Variants in GALNT10 observed in about 807,000 individuals in gnomAD.
GALNT10 encodes polypeptide N-acetylgalactosaminyltransferase 10.
Under a neutral mutation model 75.0 loss-of-function variants are expected in GALNT10, and 41 were observed. That is an observed-to-expected ratio of 0.55 (90% CI 0.43 to 0.71). The LOEUF (loss-of-function observed/expected upper bound fraction) is 0.71. Ranked by LOEUF, GALNT10 falls within the 30% of genes least tolerant of loss-of-function variation. GALNT10 has a pLI of 0.00. For missense variants in GALNT10, 727 were observed against 818.5 expected (o/e 0.89, Z 1.36); for synonymous variants, 302 against 313.0 (o/e 0.96, Z 0.37).
chr5:154,285,576 A>G (rs1222306548), intron 1 of GALNT10, among the ~76,000 whole-genome samples: 4 of 151,962 alleles, frequency 2.6e-5, no homozygotes, highest in African/African-American at 9.7e-5. Flanking sequence ...ACTCAAACCC[A>G]CAGGACCCTA....
chr5:154,195,657 A>G (rs1014933821), intron 1 of GALNT10, among the ~76,000 whole-genome samples: 5 of 152,226 alleles, frequency 3.3e-5, no homozygotes, highest in African/African-American at 1.2e-4. Context: ...AGGGAAACAA[A>G]TTAAACAAGT....
At chr5:154,329,481 G>A (rs910412770) in intron 3 of GALNT10, 91 bp from the exon 4 acceptor site, 1 of 959,114 alleles carries the variant, frequency 1.0e-6, no homozygotes, top group Non-Finnish European at 1.6e-6. Flanking sequence ...AGAGGAAGTG[G>A]GGTTTGCAGT....
At chr5:154,242,698 T>G (rs1340687365) in intron 1 of GALNT10, among the ~76,000 whole-genome samples, 1 of 152,190 alleles carries the variant, frequency 6.6e-6, no homozygotes, top group Non-Finnish European at 1.5e-5. Flanking sequence ...TGTGACAGTA[T>G]TGTCCTGGCT....
rs1449419583 is a variant in GALNT10 at position 154,402,458 on chromosome 5, A to G, written c.1057-1646A>G. On this transcript the variant is annotated intron_variant, in intron 7 of 11. Coordinates refer to ENST00000297107, the MANE Select transcript of GALNT10 (RefSeq NM_198321.4). The surrounding 1 kb of genome is among the most constrained non-coding windows in gnomAD (Gnocchi z 4.2). ...TCCCATACACCCCTACAACGAATCT[A>G]TGCAATGGCCCTGCTCTGCCATCGC... 6.6e-6 allele frequency among the ~76,000 whole-genome samples: 1 copy of G among 152,198 alleles called. No individual in the cohort carries two copies. Among genetic ancestry groups the G allele is most frequent in the Non-Finnish European group, 1.5e-5 (1 of 68,040 alleles).
intron 10 of GALNT10, 52 bp from the exon 11 acceptor site, chr5:154,415,731 A>G: frequency 1.3e-6 from 2 of 1,532,552 alleles, no homozygotes; most frequent in Non-Finnish European, 1.8e-6. Context: ...AATGGAGAAA[A>G]AAAGAAAGTC....
chr5:154,255,348 T>C (rs1753590674), intron 1 of GALNT10, among the ~76,000 whole-genome samples: 1 of 152,094 alleles, frequency 6.6e-6, no homozygotes, highest in Non-Finnish European at 1.5e-5. Context: ...AGGAAATGGC[T>C]CTTGGATAAG....
intron 1 of GALNT10, among the ~76,000 whole-genome samples, chr5:154,205,155 C>T (rs1304757054): frequency 1.3e-5 from 2 of 152,212 alleles, no homozygotes; most frequent in African/African-American, 4.8e-5. Flanking sequence ...AAGAGACAGA[C>T]TTCCTTCTCC....
At chr5:154,354,737 G>C (rs1755261933) in intron 4 of GALNT10, among the ~76,000 whole-genome samples, 2 of 152,158 alleles carry the variant, frequency 1.3e-5, no homozygotes, top group Non-Finnish European at 2.9e-5. Context: ...ACACATCTTT[G>C]TGTCTAGTAC....
At chr5:154,394,891 G>A (rs1256713275) in intron 7 of GALNT10, among the ~76,000 whole-genome samples, 1 of 152,224 alleles carries the variant, frequency 6.6e-6, no homozygotes, top group African/African-American at 2.4e-5. Context: ...GATACATGCA[G>A]CATTTTCGTC....
At chr5:154,415,634 T>C in intron 10 of GALNT10, 149 bp from the exon 11 acceptor site, 1 of 764,422 alleles carries the variant, frequency 1.3e-6, no homozygotes, top group Non-Finnish European at 2.1e-6. Flanking sequence ...CTGGCCAAGT[T>C]AGTAACTTTT....
rs77671866 is a variant in GALNT10, at chr5:154,236,063, C to A, written c.159+45038C>A. ...GATGTTTTGCTTAGGTCTGGGGAGC[C>A]CTTGATGTGCCCCATCTTAGGTCTG... On this transcript the variant is annotated intron_variant, in intron 1 of 11. Transcript: ENST00000297107. 4.5e-3 allele frequency among the ~76,000 whole-genome samples: 684 copies of A among 152,230 alleles called. 24 individuals are homozygous for A. In the East Asian group the frequency reaches 0.098, roughly 22 times the overall value.
intron 4 of GALNT10, among the ~76,000 whole-genome samples, chr5:154,364,367 T>C (rs1755443277): frequency 1.3e-5 from 2 of 152,190 alleles, no homozygotes; most frequent in African/African-American, 4.8e-5. Context: ...AGGGATTAGA[T>C]ACCAGAAGAC....
At chr5:154,230,776 T>C (rs1753138377) in intron 1 of GALNT10, among the ~76,000 whole-genome samples, 1 of 152,202 alleles carries the variant, frequency 6.6e-6, no homozygotes, top group Admixed American at 6.5e-5. Flanking sequence ...CTGCACCACT[T>C]ACTAGCAGCT....
intron 1 of GALNT10, among the ~76,000 whole-genome samples, chr5:154,212,838 G>A (rs1752784507): frequency 6.6e-6 from 1 of 152,160 alleles, no homozygotes; most frequent in Non-Finnish European, 1.5e-5. Flanking sequence ...CGTGGTGACA[G>A]GTGCCTGTAG....
In GALNT10 at chr5:154,345,346, A is replaced by C. The variant is rs1002070920; in HGVS notation, c.568+15608A>C. The stretch of plus-strand genomic sequence containing the variant: ...TATTCTTTTAGCAAACTTCAAGTAC[A>C]TAATACAGCATTATTAACTATATTC... On this transcript the variant is annotated intron_variant, in intron 4 of 11. Coordinates refer to ENST00000297107, the MANE Select transcript of GALNT10 (RefSeq NM_198321.4). 7.9e-5 allele frequency among the ~76,000 whole-genome samples: 12 copies of C among 152,318 alleles called. No individual in the cohort carries two copies. In the South Asian group the frequency reaches 8.3e-4, roughly 11 times the overall value.
At position 154,191,024 on chromosome 5, in the gene GALNT10, A is replaced by G; in HGVS notation, c.158A>G (p.Gln53Arg). The G allele has an allele frequency of 7.0e-7, 1 of 1,431,928 alleles. No individual in the cohort carries two copies. Among genetic ancestry groups the G allele is most frequent in the Non-Finnish European group, 9.2e-7 (1 of 1,085,184 alleles). The allele number at this position is 1,431,928 out of a possible 1,614,324, so 88.7% of individuals were successfully genotyped here. The change falls in exon 1 of 12, where the codon CAG becomes CGG. Residue 53 changes from glutamine to arginine, a missense_variant and splice_region_variant. By Grantham distance (43) the Gln-to-Arg change is conservative. Transcript: ENST00000297107. ...GCGGCGGTGGCGCCGGCGGCGGGAC[A>G]GGTGAGTCCCCCCGTTGCTACAGGC... ...SGAAVAPAAG[Q>R]GSHSRQKKTF...
intron 4 of GALNT10, among the ~76,000 whole-genome samples, chr5:154,356,579 TAA>T (rs1449875990): frequency 3.9e-5 from 6 of 152,202 alleles, no homozygotes; most frequent in Non-Finnish European, 8.8e-5. Flanking sequence ...TTTTCAATAG[TAA>T]AAACGTTTTT....
intron 1 of GALNT10, among the ~76,000 whole-genome samples, chr5:154,234,948 T>G (rs921185353): frequency 2.0e-4 from 30 of 152,244 alleles, no homozygotes; most frequent in African/African-American, 7.2e-4. Context: ...ATCTGAGATC[T>G]GCTGAGCCTT....
chr5:154,342,668 C>T (rs1185123401), intron 4 of GALNT10, among the ~76,000 whole-genome samples: 2 of 152,084 alleles, frequency 1.3e-5, no homozygotes, highest in African/African-American at 4.8e-5. Context: ...AACGCATGGC[C>T]CTTCTAGGAG....
Sources: gnomAD v4.1 joint callset for allele counts (sites outside exome capture counted in the v4.1 genomes callset) on GRCh38, gnomAD v4.1.1 for gene constraint, Gnocchi (gnomAD v3.1) non-coding constraint, MANE v1.5 for transcripts, NCBI Gene and HGNC (gene_info 2026-07-23, HGNC 2026-07-21) for gene names.